Variants in SYT1 observed in about 807,000 individuals in gnomAD.
SYT1 encodes synaptotagmin 1, also known as synaptotagmin-1.
SYT1 carries 8 observed loss-of-function variants against 44.8 expected under a neutral mutation model. That is an observed-to-expected ratio of 0.18 (90% CI 0.10 to 0.32). The LOEUF is 0.32. Among genes scored for constraint, SYT1 ranks in the 10% least tolerant of loss-of-function variants. The pLI, the probability that SYT1 is intolerant of heterozygous loss-of-function variation, is 1.00. For missense variants in SYT1, 286 were observed against 509.3 expected, an observed-to-expected ratio of 0.56 and a Z score of 4.22; for synonymous variants, 154 against 188.8, an observed-to-expected ratio of 0.82 and a Z score of 1.51.
At chr12:79,311,659 A>T (rs1264074514) in intron 8 of SYT1, among the ~76,000 whole-genome samples, 64 of 135,068 alleles carry the variant, frequency 4.7e-4, no homozygotes, top group Non-Finnish European at 6.4e-4. Flanking sequence ...AAAATGTGGC[A>T]CATATACACC....
intron 3 of SYT1, among the ~76,000 whole-genome samples, chr12:79,083,307 A>G (rs1877162256): frequency 6.6e-6 from 1 of 152,172 alleles, no homozygotes; most frequent in Non-Finnish European, 1.5e-5. Flanking sequence ...TGAAGTATAA[A>G]TTAGTACCAC....
At chr12:78,981,470 A>C (rs1869258031) in intron 2 of SYT1, among the ~76,000 whole-genome samples, 1 of 152,174 alleles carries the variant, frequency 6.6e-6, no homozygotes, top group Non-Finnish European at 1.5e-5. Flanking sequence ...TTACATATCC[A>C]TTTAGAAAGC....
chr12:78,973,414 C>T (rs181627222), intron 1 of SYT1, among the ~76,000 whole-genome samples: 46 of 152,126 alleles, frequency 3.0e-4, no homozygotes, highest in Admixed American at 1.2e-3. Flanking sequence ...ATCTAAACAC[C>T]CCAGGCCCTG....
chr12:79,179,223 G>GATATAGATATATAGATATAGAT (rs1565841599), intron 3 of SYT1, among the ~76,000 whole-genome samples: 1 of 18,388 alleles, frequency 5.4e-5, no homozygotes, highest in Non-Finnish European at 9.2e-5. Context: ...TAGATATATA[G>GATATAGATATATAGATATAGAT]ATATAGATAT....
At chr12:79,131,315 C>G (rs182878802) in intron 3 of SYT1, among the ~76,000 whole-genome samples, 2 of 152,182 alleles carry the variant, frequency 1.3e-5, no homozygotes, top group African/African-American at 2.4e-5. Context: ...AGGTCTAACT[C>G]TAAATTCTTA....
At chr12:79,207,580 T>C (rs1874200919) in intron 3 of SYT1, among the ~76,000 whole-genome samples, 1 of 152,102 alleles carries the variant, frequency 6.6e-6, no homozygotes, top group Non-Finnish European at 1.5e-5. Context: ...GTGTACTCAT[T>C]GTTCAGCTCC....
At chr12:78,988,220 A>G (rs968113367) in intron 2 of SYT1, among the ~76,000 whole-genome samples, 2 of 151,828 alleles carry the variant, frequency 1.3e-5, no homozygotes, top group Admixed American at 1.3e-4. Flanking sequence ...CCTTGCCATC[A>G]TGGTTTTTAC....
intron 6 of SYT1, 101 bp from the exon 7 acceptor site, chr12:79,295,968 G>A: frequency 2.7e-5 from 34 of 1,263,196 alleles, no homozygotes; most frequent in Non-Finnish European, 3.4e-5. Context: ...AAAATAAATA[G>A]GAAGAGGGAG....
At chr12:79,201,793 A>G (rs937646914) in intron 3 of SYT1, among the ~76,000 whole-genome samples, 2 of 152,136 alleles carry the variant, frequency 1.3e-5, no homozygotes, top group African/African-American at 4.8e-5. Context: ...CTACTTAAGA[A>G]TCTTAAAAAA....
chr12:79,050,680 A>C (rs1440652110), intron 3 of SYT1, among the ~76,000 whole-genome samples: 1 of 152,084 alleles, frequency 6.6e-6, no homozygotes, highest in East Asian at 1.9e-4. Flanking sequence ...TTTCCTGAAA[A>C]AACAAATATA....
intron 1 of SYT1, among the ~76,000 whole-genome samples, chr12:78,952,065 T>G (rs921592148): frequency 2.0e-5 from 3 of 152,110 alleles, no homozygotes; most frequent in African/African-American, 4.8e-5. Flanking sequence ...AATGAAATTA[T>G]GAGCATACAA....
At chr12:79,136,506 C>T (rs565342250) in intron 3 of SYT1, among the ~76,000 whole-genome samples, 1 of 152,198 alleles carries the variant, frequency 6.6e-6, no homozygotes, top group Admixed American at 6.5e-5. Flanking sequence ...TTTCCAATTA[C>T]AAAAAGACTT....
chr12:78,880,950 A>G (rs1169010472), intron 1 of SYT1, among the ~76,000 whole-genome samples: 1 of 151,512 alleles, frequency 6.6e-6, no homozygotes, highest in East Asian at 1.9e-4. Flanking sequence ...CTCTAATCTC[A>G]CACTAATTAT....
chr12:79,046,572 G>C (rs1268062774), intron 2 of SYT1: 1 of 151,778 alleles, frequency 6.6e-6, no homozygotes, highest in African/African-American at 2.4e-5. Flanking sequence ...TCTTGAGAAG[G>C]GTTTAATTTT....
intron 10 of SYT1, among the ~76,000 whole-genome samples, chr12:79,448,101 A>G (rs1460879347): frequency 2.0e-5 from 3 of 152,222 alleles, no homozygotes; most frequent in Non-Finnish European, 4.4e-5. Flanking sequence ...TATATTTTAT[A>G]CCATAATGGT....
intron 1 of SYT1, among the ~76,000 whole-genome samples, chr12:78,873,352 A>G (rs1873917899): frequency 6.6e-6 from 1 of 151,688 alleles, no homozygotes; most frequent in South Asian, 2.1e-4. Flanking sequence ...GTCTTTATTT[A>G]TCCCACTGAA....
At chr12:79,430,719 G>T (rs1869728780) in intron 9 of SYT1, among the ~76,000 whole-genome samples, 1 of 152,236 alleles carries the variant, frequency 6.6e-6, no homozygotes, top group African/African-American at 2.4e-5. Flanking sequence ...CCCGGAGGTT[G>T]AGGCAGCAGT....
intron 1 of SYT1, among the ~76,000 whole-genome samples, chr12:78,917,778 G>A (rs1015626404): frequency 3.3e-5 from 5 of 151,988 alleles, no homozygotes; most frequent in South Asian, 2.1e-4. Context: ...TAAGGTTGAC[G>A]AGAATTGGGC....
intron 9 of SYT1, among the ~76,000 whole-genome samples, chr12:79,441,774 C>T (rs547761327): frequency 1.3e-5 from 2 of 152,326 alleles, no homozygotes; most frequent in Non-Finnish European, 2.9e-5. Flanking sequence ...TTCATTGTTT[C>T]TCAAACATGC....
Sources: allele counts gnomAD v4.1 joint callset (sites outside exome capture counted in the v4.1 genomes callset), GRCh38; gene constraint gnomAD v4.1.1; transcripts MANE v1.5; gene names NCBI Gene and HGNC (gene_info 2026-07-23, HGNC 2026-07-21).